TLL1: variants seen among roughly 807,000 people sequenced by gnomAD.
TLL1 encodes tolloid like 1, also known as tolloid-like protein 1.
Under a neutral mutation model 128.2 loss-of-function variants are expected in TLL1, and 49 were observed. That is an observed-to-expected ratio of 0.38 (90% CI 0.30 to 0.48). TLL1 has a LOEUF of 0.48. TLL1 is among the 20% of genes least tolerant of loss of function. The pLI, the probability that TLL1 is intolerant of heterozygous loss-of-function variation, is 0.96. For missense variants in TLL1, 1,123 were observed against 1,242.0 expected (o/e 0.90, Z 1.44); for synonymous variants, 454 against 418.8 (o/e 1.08, Z -1.03).
intron 1 of TLL1, among the ~76,000 whole-genome samples, chr4:165,919,485 A>G (rs1233097870): frequency 6.6e-6 from 1 of 151,962 alleles, no homozygotes; most frequent in African/African-American, 2.4e-5. Context: ...ATATTATTAC[A>G]ATTTTGTTGT....
At chr4:165,945,013 G>A (rs568409517) in intron 1 of TLL1, among the ~76,000 whole-genome samples, 1 of 151,588 alleles carries the variant, frequency 6.6e-6, no homozygotes, top group Non-Finnish European at 1.5e-5. Flanking sequence ...ATAATAATCT[G>A]GGAGGCAGTA....
intron 10 of TLL1, among the ~76,000 whole-genome samples, chr4:166,040,070 T>A (rs1739177211): frequency 6.6e-6 from 1 of 152,200 alleles, no homozygotes. Context: ...CATAGGCAGT[T>A]TACTGTTGCC....
intron 9 of TLL1, among the ~76,000 whole-genome samples, chr4:166,032,969 T>A (rs1454903801): frequency 6.6e-6 from 1 of 152,134 alleles, no homozygotes; most frequent in East Asian, 1.9e-4. Flanking sequence ...CAAGTAGATA[T>A]TCAATGAATA....
intron 8 of TLL1, among the ~76,000 whole-genome samples, chr4:166,023,181 C>T (rs2111065848): frequency 6.6e-6 from 1 of 152,216 alleles, no homozygotes; most frequent in Admixed American, 6.5e-5. Flanking sequence ...GGTGGATCAC[C>T]TGAGGTCAGG....
At chr4:165,912,324 T>C (rs1732572349) in intron 1 of TLL1, among the ~76,000 whole-genome samples, 2 of 152,174 alleles carry the variant, frequency 1.3e-5, no homozygotes, top group Non-Finnish European at 2.9e-5. Context: ...CTTCCACTTC[T>C]GTCTTCATTG....
At chr4:165,970,525 C>T (rs1735583615) in intron 1 of TLL1, among the ~76,000 whole-genome samples, 1 of 152,060 alleles carries the variant, frequency 6.6e-6, no homozygotes, top group Non-Finnish European at 1.5e-5. Flanking sequence ...GGGTTAAAAC[C>T]TTCTTTCTTC....
chr4:166,047,213 G>C (rs1739494452), intron 12 of TLL1, among the ~76,000 whole-genome samples: 1 of 150,948 alleles, frequency 6.6e-6, no homozygotes, highest in Admixed American at 6.6e-5. Flanking sequence ...CGCCCAGACT[G>C]CAAGGCAGTG....
chr4:166,081,905 G>A (rs766168413), intron 18 of TLL1, among the ~76,000 whole-genome samples: 4 of 152,022 alleles, frequency 2.6e-5, no homozygotes, highest in Non-Finnish European at 5.9e-5. Context: ...CTTTCAGCTT[G>A]AAACATCCCA....
intron 6 of TLL1, among the ~76,000 whole-genome samples, 168 bp from the exon 7 acceptor site, chr4:166,007,775 T>A (rs79719174): frequency 6.6e-6 from 1 of 151,666 alleles, no homozygotes; most frequent in Admixed American, 6.6e-5. Context: ...AATATGATGG[T>A]AGAGTGAAGA....
rs527432963 is a variant in TLL1, at chr4:166,042,237, T to C, written c.1378+94T>C. On this transcript the variant is annotated intron_variant, in intron 11 of 20. Coordinates refer to ENST00000061240, the MANE Select transcript of TLL1 (RefSeq NM_012464.5). ...CATTACAATGACATTGTGACCATATTGTAAAATTATGAATTTTTCTGAATC... is the reference window on the plus strand; with the variant it reads ...CATTACAATGACATTGTGACCATATCGTAAAATTATGAATTTTTCTGAATC... The C allele has an allele frequency of 4.7e-6, 4 of 845,464 alleles. No individual in the cohort carries two copies. In the African/African-American group the frequency reaches 6.7e-5, roughly 14 times the overall value. The allele number at this position is 845,464 out of a possible 1,614,324, so 52.4% of individuals were successfully genotyped here. A position where few individuals can be genotyped will look rare whatever the true frequency, so the allele number is the denominator to read the frequency against.
intron 9 of TLL1, among the ~76,000 whole-genome samples, chr4:166,034,551 T>C (rs138538615): frequency 6.6e-6 from 1 of 152,120 alleles, no homozygotes; most frequent in African/African-American, 2.4e-5. Flanking sequence ...AAGTGTAGGA[T>C]GAAATGGAGA....
At chr4:165,889,439 G>C (rs753012080) in intron 1 of TLL1, among the ~76,000 whole-genome samples, 19 of 152,042 alleles carry the variant, frequency 1.2e-4, no homozygotes, top group Non-Finnish European at 2.2e-4. Context: ...TCATTGTAAG[G>C]GTAAAAATTT....
At chr4:166,025,510 T>G (rs1738456343) in intron 9 of TLL1, 79 bp downstream of exon 9, 1 of 1,157,742 alleles carries the variant, frequency 8.6e-7, no homozygotes, top group African/African-American at 1.5e-5. Context: ...TAAATTTGCT[T>G]TATCCTTTAT....
intron 15 of TLL1, among the ~76,000 whole-genome samples, chr4:166,062,935 T>C (rs528711000): frequency 3.3e-5 from 5 of 152,312 alleles, no homozygotes; most frequent in African/African-American, 1.2e-4. Context: ...TGAAGGGCTG[T>C]TGCATTTTGT....
intron 2 of TLL1, among the ~76,000 whole-genome samples, chr4:165,990,131 T>C (rs1179597455): frequency 6.6e-6 from 1 of 151,962 alleles, no homozygotes; most frequent in Non-Finnish European, 1.5e-5. Flanking sequence ...TTGATATATG[T>C]AAAAGATTAT....
At chr4:165,886,722 G>A (rs1374428712) in intron 1 of TLL1, among the ~76,000 whole-genome samples, 1 of 152,142 alleles carries the variant, frequency 6.6e-6, no homozygotes, top group African/African-American at 2.4e-5. Flanking sequence ...TATGAGAATA[G>A]TAATACTGTA....
chr4:165,965,154 A>G (rs548766636), intron 1 of TLL1, among the ~76,000 whole-genome samples: 2 of 152,304 alleles, frequency 1.3e-5, no homozygotes, highest in African/African-American at 4.8e-5. Flanking sequence ...TTAAATTAGA[A>G]TAATTAAATT....
chr4:166,042,172 T>C lies in TLL1; in HGVS notation c.1378+29T>C, dbSNP rs749975260. 4.4e-6 allele frequency: 6 copies of C among 1,370,450 alleles called. No homozygotes were observed. The African/African-American group carries it at 8.6e-5, about 20-fold the overall frequency. 84.9% of individuals were successfully genotyped at this position (1,370,450 alleles called of 1,614,324 possible). A position where few individuals can be genotyped will look rare whatever the true frequency, so the allele number is the denominator to read the frequency against. ...AGTCACATTGAATTTTAGAGAGTAG[T>C]TCATCTTATATCTCAACAGAAATGT... is the stretch of plus-strand genomic sequence containing the variant. On this transcript the variant is annotated intron_variant, in intron 11 of 20. Transcript: ENST00000061240.
intron 9 of TLL1, among the ~76,000 whole-genome samples, chr4:166,031,861 A>C (rs2111079976): frequency 6.6e-6 from 1 of 152,270 alleles, no homozygotes; most frequent in Middle Eastern, 3.4e-3. Flanking sequence ...AAATACAATA[A>C]ATAGAAAAAA....
Sources: gnomAD v4.1 joint callset for allele counts (sites outside exome capture counted in the v4.1 genomes callset) on GRCh38, gnomAD v4.1.1 for gene constraint, MANE v1.5 for transcripts, NCBI Gene and HGNC (gene_info 2026-07-23, HGNC 2026-07-21) for gene names.